RNLS: variants seen among roughly 807,000 people sequenced by gnomAD.
The protein encoded by RNLS is renalase.
A neutral mutation model predicts 39.8 loss-of-function variants in RNLS; 39 were observed. That is an observed-to-expected ratio of 0.98 (90% confidence interval 0.76 to 1.28). The LOEUF (loss-of-function observed/expected upper bound fraction) is 1.28, where lower values mean the gene tolerates loss of function less well. Ranked by LOEUF, RNLS falls within the 50% of genes most tolerant of loss-of-function variation. The pLI is 0.00. For synonymous variants in RNLS, 147 were observed against 150.7 expected, an observed-to-expected ratio of 0.98 and a Z score of 0.18; for missense variants, 410 against 413.3, an observed-to-expected ratio of 0.99 and a Z score of 0.07.
chr10:88,528,829 G>A (rs1436896799), intron 4 of RNLS, among the ~76,000 whole-genome samples: 3 of 150,154 alleles, frequency 2.0e-5, no homozygotes, highest in African/African-American at 7.4e-5. Flanking sequence ...CTCCAGCCTG[G>A]GTGACAGTGC....
the RNLS span, among the ~76,000 whole-genome samples, chr10:88,247,428 C>T: frequency 1.5e-4 from 23 of 152,198 alleles, no homozygotes; most frequent in African/African-American, 3.9e-4. Flanking sequence ...AGAATGAGTT[C>T]GGAGAATTGA....
At chr10:88,172,855 T>G in the RNLS span, among the ~76,000 whole-genome samples, 2 of 75,526 alleles carry the variant, frequency 2.6e-5, no homozygotes, top group South Asian at 6.1e-4. Context: ...TTTTTTTTTT[T>G]TTTTTTTTTT....
the RNLS span, among the ~76,000 whole-genome samples, chr10:88,248,920 T>G: frequency 1.3e-5 from 2 of 152,256 alleles, no homozygotes; most frequent in African/African-American, 2.4e-5. Flanking sequence ...TGCCTTCTGC[T>G]GTTCCTTCTG....
intron 1 of RNLS, 107 bp downstream of exon 1, chr10:88,582,960 GAGCTGA>G: frequency 2.4e-6 from 3 of 1,244,920 alleles, no homozygotes; most frequent in Non-Finnish European, 3.3e-6. Context: ...GCCGCTCAGG[GAGCTGA>G]GGGTATAGCG....
chr10:88,557,628 C>T (rs1023465733), intron 4 of RNLS, among the ~76,000 whole-genome samples: 6 of 152,046 alleles, frequency 3.9e-5, no homozygotes, highest in African/African-American at 1.2e-4. Flanking sequence ...TTTTATCCTT[C>T]CCTTCCTCTC....
the RNLS span, among the ~76,000 whole-genome samples, chr10:88,217,583 A>G: frequency 7.2e-5 from 11 of 152,086 alleles, no homozygotes; most frequent in Admixed American, 4.6e-4. Flanking sequence ...TCAGAAAAAT[A>G]AAACAGAGGG....
intron 6 of RNLS, among the ~76,000 whole-genome samples, chr10:88,301,720 T>G (rs1275349509): frequency 6.6e-6 from 1 of 152,238 alleles, no homozygotes; most frequent in Admixed American, 6.5e-5. Flanking sequence ...CACCTTGTTC[T>G]GATGTTATTC....
intron 5 of RNLS, among the ~76,000 whole-genome samples, chr10:88,360,680 C>A (rs114615091): frequency 0.01 from 1,577 of 152,224 alleles, 29 homozygotes; most frequent in African/African-American, 0.036. Context: ...TCTTGATCCA[C>A]CCACCTTGGC....
At chr10:88,473,232 A>C (rs1413868529) in intron 4 of RNLS, among the ~76,000 whole-genome samples, 3 of 152,200 alleles carry the variant, frequency 2.0e-5, no homozygotes, top group Non-Finnish European at 4.4e-5. Flanking sequence ...TCTGGTGTTG[A>C]CTGAAACACC....
intron 4 of RNLS, among the ~76,000 whole-genome samples, chr10:88,394,542 C>T (rs1455672983): frequency 6.6e-6 from 1 of 152,144 alleles, no homozygotes; most frequent in Non-Finnish European, 1.5e-5. Flanking sequence ...AGTCAGGAAA[C>T]AACAGGTGCT....
intron 4 of RNLS, among the ~76,000 whole-genome samples, chr10:88,413,110 C>T (rs568474755): frequency 3.2e-4 from 48 of 152,216 alleles, no homozygotes; most frequent in African/African-American, 1.0e-3. Context: ...TATAATGCAT[C>T]GAGGTGGAGG....
intron 4 of RNLS, among the ~76,000 whole-genome samples, chr10:88,492,570 C>A (rs1169218919): frequency 6.6e-6 from 1 of 151,836 alleles, no homozygotes; most frequent in Non-Finnish European, 1.5e-5. Context: ...AGGTGTGCAC[C>A]ACCATGCCTG....
chr10:88,311,457 T>C (rs1227051926), intron 6 of RNLS, among the ~76,000 whole-genome samples: 2 of 152,206 alleles, frequency 1.3e-5, no homozygotes, highest in Non-Finnish European at 2.9e-5. Context: ...AGGGAGGAAC[T>C]GAGAACCACA....
chr10:88,244,989 G>C, the RNLS span, among the ~76,000 whole-genome samples: 4 of 152,138 alleles, frequency 2.6e-5, no homozygotes, highest in Non-Finnish European at 4.4e-5. Context: ...CAGTGTCCTC[G>C]TGATCAGTTG....
chr10:88,346,752 A>T lies in RNLS; in HGVS notation c.700+15800T>A, dbSNP rs142428449. 7.2e-5 allele frequency among the ~76,000 whole-genome samples: 11 copies of T among 152,284 alleles called. No homozygotes were observed. In the South Asian group the frequency reaches 8.3e-4, roughly 11 times the overall value. The stretch of plus-strand genomic sequence containing the variant: ...GAATACACATTCCTATTATGCCGTG[A>T]TGTTAGTGTCTCTTATTTTCAATCT... On this transcript the variant is annotated intron_variant, in intron 5 of 6. Transcript: ENST00000331772.
At chr10:88,544,013 G>T (rs1006970166) in intron 4 of RNLS, among the ~76,000 whole-genome samples, 2 of 152,144 alleles carry the variant, frequency 1.3e-5, no homozygotes, top group East Asian at 3.9e-4. Context: ...GGCCTAGGAA[G>T]GAACCCTCGC....
At chr10:88,293,353 C>T (rs908810651) in intron 6 of RNLS, among the ~76,000 whole-genome samples, 1 of 152,076 alleles carries the variant, frequency 6.6e-6, no homozygotes, top group South Asian at 2.1e-4. Context: ...TAAACATAAG[C>T]CCATGCCATG....
At chr10:88,560,940 TAA>T (rs1491405750) in intron 4 of RNLS, among the ~76,000 whole-genome samples, 2 of 105,172 alleles carry the variant, frequency 1.9e-5, no homozygotes, top group East Asian at 3.8e-4. Context: ...TGTTCAGAGA[TAA>T]CACACACACA....
At chr10:88,292,092 T>G (rs1589472690) in intron 6 of RNLS, among the ~76,000 whole-genome samples, 1 of 152,112 alleles carries the variant, frequency 6.6e-6, no homozygotes, top group South Asian at 2.1e-4. Context: ...GCTAGTACAG[T>G]TAACATTCTT....
Sources: gnomAD v4.1 joint callset for allele counts (sites outside exome capture counted in the v4.1 genomes callset) on GRCh38, gnomAD v4.1.1 for gene constraint, MANE v1.5 for transcripts, NCBI Gene and HGNC (gene_info 2026-07-23, HGNC 2026-07-21) for gene names.